ARHGAP21: variants seen among roughly 807,000 people sequenced by gnomAD.
The protein encoded by ARHGAP21 is rho GTPase-activating protein 21.
ARHGAP21 carries 38 observed loss-of-function variants against 164.6 expected under a neutral mutation model. The ratio of observed to expected loss-of-function variants is 0.23; its 90% CI spans 0.18 to 0.30. The LOEUF is 0.30. Ranked by LOEUF, ARHGAP21 falls within the 10% of genes least tolerant of loss-of-function variation. ARHGAP21 has a pLI of 1.00. For synonymous variants in ARHGAP21, 766 were observed against 857.9 expected, an observed-to-expected ratio of 0.89 and a Z score of 1.87; for missense variants, 1,822 against 2,370.7, an observed-to-expected ratio of 0.77 and a Z score of 4.81.
chr10:24,620,888 G>A lies in ARHGAP21; in HGVS notation c.1007C>T (p.Ser336Phe), dbSNP rs1243404138. The A allele has an allele frequency of 6.2e-7, 1 of 1,613,810 alleles. No individual in the cohort carries two copies. The highest frequency in any genetic ancestry group is 8.5e-7 in the Non-Finnish European group (1 of 1,179,874). The stretch of plus-strand genomic sequence containing the variant: ...AATTCCAGAAGGTTCCAGTGATCTG[G>A]AGCCTGCAGGCTGATGAATTAGATG... ...TTHLIHQPAGSRSLEPSGILL... is the reference protein window; with the variant it reads ...TTHLIHQPAGFRSLEPSGILL... Residue 336 changes from serine (S) to phenylalanine (F), a missense_variant, in exon 9 of 26, where the codon TCC becomes TTC. Physicochemically the swap from Ser to Phe is radical, Grantham distance 155. Coordinates refer to ENST00000396432, the MANE Select transcript of ARHGAP21 (RefSeq NM_020824.4).
In ARHGAP21 at chr10:24,620,742, C is replaced by G. The variant is rs1243995318; in HGVS notation, c.1153G>C (p.Asp385His). The G allele has an allele frequency of 6.2e-7, 1 of 1,614,024 alleles. No homozygotes were observed. Among genetic ancestry groups the G allele is most frequent in the African/African-American group, 1.3e-5 (1 of 74,926 alleles). ...HYSPNSHQHI[D>H]WKNYKTYKEY... The stretch of plus-strand genomic sequence containing the variant: ...TTGTAAGTTTTATAGTTTTTCCAGT[C>G]TATGTGCTGATGGGAATTTGGCGAA... The change falls in exon 9 of 26, where the codon GAC becomes CAC. Residue 385 changes from aspartate (D) to histidine (H), a missense_variant. By Grantham distance (81) the Asp-to-His change is moderately conservative (BLOSUM62 -1). Coordinates refer to ENST00000396432, the MANE Select transcript of ARHGAP21 (RefSeq NM_020824.4).
intron 2 of ARHGAP21, among the ~76,000 whole-genome samples, chr10:24,716,569 G>T (rs185337783): frequency 2.6e-5 from 4 of 152,242 alleles, no homozygotes; most frequent in Admixed American, 2.6e-4. Flanking sequence ...CGCTCAGGGA[G>T]GGGGAAGGAC....
chr10:24,594,893 A>ATATCT, intron 21 of ARHGAP21, 57 bp downstream of exon 21: 10 of 1,382,412 alleles, frequency 7.2e-6, no homozygotes, highest in Non-Finnish European at 1.0e-5. Context: ...GTAATGAAGC[A>ATATCT]TATCTTTTAA....
rs1043703037 is a variant in ARHGAP21 at position 24,722,115 on chromosome 10, C to A, written c.-216G>T. On this transcript the variant is annotated 5_prime_UTR_variant, in exon 2 of 26. It introduces an in-frame stop codon into an upstream open reading frame of the 5' UTR. Coordinates refer to ENST00000396432, the MANE Select transcript of ARHGAP21 (RefSeq NM_020824.4). Reference sequence around the variant, plus strand: ...TCGTGACTTCAACTGACTTCGCCTTCTTCTTCCATTTCTGGAGACTTAAAA... The same window carrying A: ...TCGTGACTTCAACTGACTTCGCCTTATTCTTCCATTTCTGGAGACTTAAAA... 2.4e-5 allele frequency: 14 copies of A among 593,846 alleles called. No individual in the cohort carries two copies. The highest frequency in any genetic ancestry group is 4.2e-5 in the Non-Finnish European group (14 of 329,824). The allele number at this position is 593,846 out of a possible 1,614,324, so 36.8% of individuals were successfully genotyped here. A position where few individuals can be genotyped will look rare whatever the true frequency, so the allele number is the denominator to read the frequency against.
chr10:24,595,204 CAAT>C lies in ARHGAP21; in HGVS notation c.3713-17_3713-15del, dbSNP rs1264972151. 2 of 1,598,968 alleles carry C rather than the reference CAAT, an allele frequency of 1.3e-6. No individual in the cohort carries two copies. Among genetic ancestry groups the C allele is most frequent in the Non-Finnish European group, 8.5e-7 (1 of 1,171,608 alleles). On this transcript the variant is annotated splice_polypyrimidine_tract_variant and intron_variant, in intron 19 of 25. Transcript: ENST00000396432. ...CAGCATATTTATCTGACGACAAGAACAATAAAACAAATTTATCTTAAATTGCCT... is the reference window on the plus strand; with the variant it reads ...CAGCATATTTATCTGACGACAAGAACAAAACAAATTTATCTTAAATTGCCT...
chr10:24,662,964 ATT>A (rs5783902), intron 4 of ARHGAP21, among the ~76,000 whole-genome samples: 3 of 145,602 alleles, frequency 2.1e-5, no homozygotes, highest in African/African-American at 7.6e-5. Flanking sequence ...AGATATGCGG[ATT>A]TTTTTTTTTT....
chr10:24,682,034 A>T (rs1375687034), intron 2 of ARHGAP21, among the ~76,000 whole-genome samples: 1 of 151,948 alleles, frequency 6.6e-6, no homozygotes, highest in Non-Finnish European at 1.5e-5. Flanking sequence ...TGCACTTCAT[A>T]TTCTTGTTAA....
intron 2 of ARHGAP21, among the ~76,000 whole-genome samples, chr10:24,674,230 A>G (rs1840991991): frequency 6.6e-6 from 1 of 151,984 alleles, no homozygotes; most frequent in Non-Finnish European, 1.5e-5. Context: ...GTCTCTACAC[A>G]AAATTTAAAA....
chr10:24,686,337 G>T (rs1289411085), intron 2 of ARHGAP21, among the ~76,000 whole-genome samples: 3 of 152,128 alleles, frequency 2.0e-5, no homozygotes, highest in African/African-American at 7.2e-5. Flanking sequence ...GCTAAGGCAG[G>T]TGGATCCCTT....
At chr10:24,686,815 C>A (rs1842253623) in intron 2 of ARHGAP21, among the ~76,000 whole-genome samples, 1 of 152,230 alleles carries the variant, frequency 6.6e-6, no homozygotes, top group Non-Finnish European at 1.5e-5. Context: ...CGTGTACTAA[C>A]TGAATAAACT....
chr10:24,596,695 C>T, intron 17 of ARHGAP21, 45 bp downstream of exon 17: 1 of 1,611,918 alleles, frequency 6.2e-7, no homozygotes, highest in Non-Finnish European at 8.5e-7. Context: ...ATAATCAAAA[C>T]TGAATTAATG....
chr10:24,653,370 C>T (rs1431550567), intron 4 of ARHGAP21, among the ~76,000 whole-genome samples: 1 of 152,000 alleles, frequency 6.6e-6, no homozygotes, highest in Non-Finnish European at 1.5e-5. Flanking sequence ...GTCAGGAAAT[C>T]GAGACCATCC....
intron 2 of ARHGAP21, among the ~76,000 whole-genome samples, chr10:24,678,119 G>GAGAGAGAGGAAAAGAAAGAT (rs1841445672): frequency 6.6e-6 from 1 of 151,874 alleles, no homozygotes; most frequent in Non-Finnish European, 1.5e-5. Flanking sequence ...AAAAAAAAGA[G>GAGAGAGAGGAAAAGAAAGAT]AGAGAGAGGA....
intron 2 of ARHGAP21, among the ~76,000 whole-genome samples, chr10:24,691,268 T>C (rs746447496): frequency 3.9e-5 from 6 of 152,148 alleles, no homozygotes; most frequent in Admixed American, 6.5e-5. Flanking sequence ...CTTTGAGTTG[T>C]TGGGTCCAGC....
chr10:24,705,087 G>A (rs559109407), intron 2 of ARHGAP21, among the ~76,000 whole-genome samples: 12 of 152,108 alleles, frequency 7.9e-5, no homozygotes, highest in African/African-American at 2.9e-4. Flanking sequence ...AATTCCTTTG[G>A]GATTACCCAG....
intron 9 of ARHGAP21, among the ~76,000 whole-genome samples, chr10:24,609,734 A>G (rs1313964596): frequency 6.6e-6 from 1 of 152,228 alleles, no homozygotes; most frequent in African/African-American, 2.4e-5. Flanking sequence ...CACTTTAATT[A>G]TTACCAATGT....
chr10:24,642,876 T>C (rs369315853), intron 4 of ARHGAP21, among the ~76,000 whole-genome samples: 2 of 152,312 alleles, frequency 1.3e-5, no homozygotes, highest in East Asian at 1.9e-4. Flanking sequence ...GAACACTGCA[T>C]GGCACACAGT....
chr10:24,591,612 T>C (rs2076335117), intron 23 of ARHGAP21, 30 bp downstream of exon 23: 1 of 1,611,130 alleles, frequency 6.2e-7, no homozygotes, highest in South Asian at 1.1e-5. Context: ...ATGAAACTAC[T>C]GAGTACAAAT....
intron 4 of ARHGAP21, among the ~76,000 whole-genome samples, chr10:24,640,654 T>A (rs1011963241): frequency 6.6e-6 from 1 of 152,134 alleles, no homozygotes; most frequent in African/African-American, 2.4e-5. Context: ...ATAAATAGCA[T>A]ATTGAAATTA....
Sources: allele counts gnomAD v4.1 joint callset (sites outside exome capture counted in the v4.1 genomes callset), GRCh38; gene constraint gnomAD v4.1.1; transcripts MANE v1.5; gene names NCBI Gene and HGNC (gene_info 2026-07-23, HGNC 2026-07-21).